Variants in TMEM135 observed in about 807,000 individuals in gnomAD.
TMEM135 encodes the protein transmembrane protein 135.
TMEM135 carries 30 observed loss-of-function variants against 60.3 expected under a neutral mutation model. The observed-to-expected ratio is 0.50, with a 90% CI of 0.37 to 0.68. TMEM135 has a LOEUF of 0.68. TMEM135 is among the 30% of genes least tolerant of loss of function. The probability of loss-of-function intolerance (pLI) is 0.00; values close to 1 mark genes in which losing one functional copy is unlikely to be tolerated. For synonymous variants in TMEM135, 190 were observed against 186.7 expected (o/e 1.02, Z -0.14); for missense variants, 468 against 548.8 (o/e 0.85, Z 1.47).
intron 4 of TMEM135, among the ~76,000 whole-genome samples, chr11:87,120,729 G>T (rs1438977511): frequency 1.3e-5 from 2 of 152,008 alleles, no homozygotes; most frequent in Non-Finnish European, 2.9e-5. Flanking sequence ...GCCTCCCAAA[G>T]TGCTGGGATT....
At chr11:87,182,339 G>A (rs1939538040) in intron 5 of TMEM135, among the ~76,000 whole-genome samples, 1 of 152,072 alleles carries the variant, frequency 6.6e-6, no homozygotes, top group South Asian at 2.1e-4. Flanking sequence ...CCATTGCCCA[G>A]ACTTGTAATA....
At chr11:87,268,939 A>G (rs1941806788) in intron 6 of TMEM135, among the ~76,000 whole-genome samples, 1 of 151,984 alleles carries the variant, frequency 6.6e-6, no homozygotes, top group African/African-American at 2.4e-5. Flanking sequence ...AAATAGTTTA[A>G]ATTATTTGTT....
intron 6 of TMEM135, among the ~76,000 whole-genome samples, chr11:87,281,647 C>G (rs1030313435): frequency 1.3e-5 from 2 of 152,126 alleles, no homozygotes; most frequent in Non-Finnish European, 2.9e-5. Flanking sequence ...GTTCAAAAAC[C>G]TTTGCTGCCC....
At chr11:87,157,077 T>TTC (rs1938719885) in intron 4 of TMEM135, among the ~76,000 whole-genome samples, 1 of 113,658 alleles carries the variant, frequency 8.8e-6, no homozygotes, top group African/African-American at 3.1e-5. Flanking sequence ...TTCTTTTGTT[T>TTC]TTTTTTTTTT....
At chr11:87,283,187 A>G (rs1942099323) in intron 6 of TMEM135, among the ~76,000 whole-genome samples, 1 of 151,944 alleles carries the variant, frequency 6.6e-6, no homozygotes, top group South Asian at 2.1e-4. Context: ...ATACAAAATT[A>G]GCCAGGTGTG....
intron 6 of TMEM135, chr11:87,258,983 C>A: frequency 6.5e-7 from 1 of 1,528,630 alleles, no homozygotes; most frequent in Non-Finnish European, 9.0e-7. Context: ...TCAAAGACAA[C>A]GGGAAGAACC....
intron 1 of TMEM135, among the ~76,000 whole-genome samples, chr11:87,066,481 G>A (rs940606963): frequency 4.6e-5 from 7 of 150,910 alleles, no homozygotes; most frequent in African/African-American, 7.3e-5. Context: ...TTCCTGGAAC[G>A]TTAATAGTCT....
intron 3 of TMEM135, among the ~76,000 whole-genome samples, chr11:87,084,840 C>A (rs1306371106): frequency 6.6e-6 from 1 of 152,178 alleles, no homozygotes; most frequent in Non-Finnish European, 1.5e-5. Flanking sequence ...TCAGAATCTC[C>A]TGTGAAGTTT....
At chr11:87,070,758 C>T (rs1460104409) in intron 2 of TMEM135, among the ~76,000 whole-genome samples, 3 of 152,056 alleles carry the variant, frequency 2.0e-5, no homozygotes, top group South Asian at 2.1e-4. Context: ...TACTCTAGTA[C>T]ATGAAAAATG....
At chr11:87,234,586 A>G (rs1333850938) in intron 5 of TMEM135, among the ~76,000 whole-genome samples, 2 of 152,064 alleles carry the variant, frequency 1.3e-5, no homozygotes, top group African/African-American at 4.8e-5. Flanking sequence ...AAAACAAGAT[A>G]AAAACAATCT....
intron 1 of TMEM135, among the ~76,000 whole-genome samples, chr11:87,053,652 T>C (rs1375530246): frequency 6.6e-6 from 1 of 152,178 alleles, no homozygotes; most frequent in Non-Finnish European, 1.5e-5. Flanking sequence ...TATGTTTTCA[T>C]CCCCAAGGAC....
intron 6 of TMEM135, among the ~76,000 whole-genome samples, chr11:87,255,581 T>G (rs1467708236): frequency 6.6e-6 from 1 of 151,976 alleles, no homozygotes; most frequent in Non-Finnish European, 1.5e-5. Context: ...AGGGCTGTAG[T>G]GCGCTACGAT....
At chr11:87,123,400 T>A (rs1937635973) in intron 4 of TMEM135, among the ~76,000 whole-genome samples, 1 of 152,192 alleles carries the variant, frequency 6.6e-6, no homozygotes, top group African/African-American at 2.4e-5. Flanking sequence ...ATGGCCTTCT[T>A]CTCTCTCTGT....
At chr11:87,208,197 A>G (rs1291157624) in intron 5 of TMEM135, among the ~76,000 whole-genome samples, 1 of 152,190 alleles carries the variant, frequency 6.6e-6, no homozygotes, top group Non-Finnish European at 1.5e-5. Flanking sequence ...AACGATCGCA[A>G]TAGCTCCTTA....
intron 6 of TMEM135, among the ~76,000 whole-genome samples, chr11:87,288,340 C>A (rs76468335): frequency 1.3e-5 from 2 of 152,170 alleles, no homozygotes; most frequent in African/African-American, 4.8e-5. Flanking sequence ...CTTGAAAGAC[C>A]AAGTTTGAAA....
chr11:87,058,532 T>C (rs112284702), intron 1 of TMEM135, among the ~76,000 whole-genome samples: 3 of 152,328 alleles, frequency 2.0e-5, no homozygotes, highest in African/African-American at 7.2e-5. Context: ...GGTTTCGCTA[T>C]GTTGGCCAGA....
At chr11:87,082,060 A>G (rs56338039) in intron 3 of TMEM135, among the ~76,000 whole-genome samples, 7,568 of 152,286 alleles carry the variant, frequency 0.05, 257 homozygotes, top group South Asian at 0.097. Context: ...GTCTATGCAT[A>G]CAATCACAAT....
At chr11:87,287,458 C>G (rs768710661) in intron 6 of TMEM135, among the ~76,000 whole-genome samples, 1 of 152,178 alleles carries the variant, frequency 6.6e-6, no homozygotes, top group Non-Finnish European at 1.5e-5. Flanking sequence ...GCGGGCAGAT[C>G]ATGAGGTCAA....
chr11:87,056,268 T>C (rs1229409486), intron 1 of TMEM135, among the ~76,000 whole-genome samples: 1 of 152,170 alleles, frequency 6.6e-6, no homozygotes, highest in East Asian at 1.9e-4. Flanking sequence ...AATGCCTAAT[T>C]TTCTGAGAAT....
Sources: allele counts gnomAD v4.1 joint callset (sites outside exome capture counted in the v4.1 genomes callset), GRCh38; gene constraint gnomAD v4.1.1; transcripts MANE v1.5; gene names NCBI Gene and HGNC (gene_info 2026-07-23, HGNC 2026-07-21).